SYN2: variants seen among roughly 807,000 people sequenced by gnomAD.
SYN2 encodes the protein synapsin II.
SYN2 carries 19 observed loss-of-function variants against 50.9 expected under a neutral mutation model. The observed-to-expected ratio is 0.37, with a 90% CI of 0.26 to 0.55. The LOEUF (loss-of-function observed/expected upper bound fraction) is 0.55. Among genes scored for constraint, SYN2 ranks in the 20% least tolerant of loss-of-function variants. SYN2 has a pLI of 0.81. For missense variants in SYN2, 587 were observed against 576.4 expected (o/e 1.02, Z -0.19); for synonymous variants, 255 against 224.9 (o/e 1.13, Z -1.20).
chr3:12,079,529 C>T (rs1379944890), intron 1 of SYN2, among the ~76,000 whole-genome samples: 3 of 152,084 alleles, frequency 2.0e-5, no homozygotes, highest in Non-Finnish European at 4.4e-5. Flanking sequence ...TGAATGTTAT[C>T]GAAGGACTTT....
intron 1 of SYN2, among the ~76,000 whole-genome samples, chr3:12,111,455 C>T (rs1254752492): frequency 1.3e-5 from 2 of 152,140 alleles, no homozygotes; most frequent in Non-Finnish European, 2.9e-5. Flanking sequence ...GTCATTTTGA[C>T]CCTCAATAAA....
chr3:12,129,377 C>T (rs1227345778), intron 1 of SYN2, among the ~76,000 whole-genome samples: 1 of 152,122 alleles, frequency 6.6e-6, no homozygotes, highest in Non-Finnish European at 1.5e-5. Context: ...ACTGTCCTTA[C>T]CTTATAGATG....
intron 10 of SYN2, among the ~76,000 whole-genome samples, chr3:12,181,331 G>T (rs182263823): frequency 6.6e-6 from 1 of 152,202 alleles, no homozygotes; most frequent in Non-Finnish European, 1.5e-5. Context: ...GAGCCAGTCC[G>T]GTAGCTTCAC....
At chr3:12,099,227 T>C (rs1696014326) in intron 1 of SYN2, among the ~76,000 whole-genome samples, 2 of 152,070 alleles carry the variant, frequency 1.3e-5, no homozygotes, top group African/African-American at 4.8e-5. Context: ...CTAAGAAATA[T>C]CTATAGAACA....
At chr3:12,044,181 TCACA>T (rs1553610019) in intron 1 of SYN2, among the ~76,000 whole-genome samples, 131 of 53,386 alleles carry the variant, frequency 2.5e-3, no homozygotes, top group Middle Eastern at 0.015. Flanking sequence ...TCTCTCTCTC[TCACA>T]CACACACACA....
At chr3:12,097,717 A>C (rs1559418652) in intron 1 of SYN2, among the ~76,000 whole-genome samples, 1 of 152,212 alleles carries the variant, frequency 6.6e-6, no homozygotes, top group Admixed American at 6.5e-5. Flanking sequence ...ACATGGATGA[A>C]GCTGGAAACC....
Position 12,183,390 on chromosome 3 carries a change from C to G in SYN2, c.1369+18C>G. 1 of 1,613,864 alleles carries G rather than the reference C, an allele frequency of 6.2e-7. No homozygotes were observed. Among genetic ancestry groups the G allele is most frequent in the African/African-American group, 1.3e-5 (1 of 75,046 alleles). ...CCCTCAAGGTTGTTTACAGTATATT[C>G]TCGACTGTAATGGCATTGCAGTAGG... On this transcript the variant is annotated intron_variant, in intron 11 of 12. Coordinates refer to ENST00000621198, the MANE Select transcript of SYN2 (RefSeq NM_133625.6).
At chr3:12,052,882 CTTATCT>C (rs1232266245) in intron 1 of SYN2, among the ~76,000 whole-genome samples, 1 of 152,234 alleles carries the variant, frequency 6.6e-6, no homozygotes, top group Non-Finnish European at 1.5e-5. Flanking sequence ...TCACATCCTA[CTTATCT>C]TCCTTTGACC....
intron 1 of SYN2, among the ~76,000 whole-genome samples, chr3:12,042,891 G>C (rs1694648980): frequency 6.6e-6 from 1 of 152,192 alleles, no homozygotes. Context: ...GAGGCTGGAA[G>C]AGGCAAGGAT....
chr3:12,015,713 A>G (rs1481797503), intron 1 of SYN2, among the ~76,000 whole-genome samples: 1 of 152,038 alleles, frequency 6.6e-6, no homozygotes, highest in Non-Finnish European at 1.5e-5. Context: ...TAAACACCCC[A>G]TGCTTGTTTT....
chr3:12,033,220 A>T (rs1694418006), intron 1 of SYN2, among the ~76,000 whole-genome samples: 2 of 152,024 alleles, frequency 1.3e-5, no homozygotes, highest in Admixed American at 1.3e-4. Flanking sequence ...GACCCACTTG[A>T]GGAGGCAGTC....
intron 1 of SYN2, among the ~76,000 whole-genome samples, chr3:12,059,280 A>G (rs1695063507): frequency 6.6e-6 from 1 of 152,192 alleles, no homozygotes; most frequent in African/African-American, 2.4e-5. Context: ...CAATACATAG[A>G]GGTTACACAT....
Position 12,190,849 on chromosome 3 carries a change from AGCT to A in SYN2, c.*228_*230del. 1 of 1,317,052 alleles carries A rather than the reference AGCT, an allele frequency of 7.6e-7. No individual in the cohort carries two copies. Among genetic ancestry groups the A allele is most frequent in the South Asian group, 2.0e-5 (1 of 50,756 alleles). 81.6% of individuals were successfully genotyped at this position (1,317,052 alleles called of 1,614,324 possible). ...GGGTACCTGGCATCAGAGAGGAAAG[AGCT>A]GCTTCCCTGTAGTCATGAGAGCTTC... On this transcript the variant is annotated 3_prime_UTR_variant, in exon 13 of 13. Coordinates refer to ENST00000621198, the MANE Select transcript of SYN2 (RefSeq NM_133625.6).
At chr3:12,126,389 A>G (rs1461206136) in intron 1 of SYN2, among the ~76,000 whole-genome samples, 1 of 152,204 alleles carries the variant, frequency 6.6e-6, no homozygotes, top group Non-Finnish European at 1.5e-5. Flanking sequence ...TGTGAATTTC[A>G]CTTTCATGCT....
chr3:12,039,073 T>C lies in SYN2; in HGVS notation c.377+34145T>C, dbSNP rs536488901. Among the ~76,000 whole-genome samples, 13 of 152,310 alleles carry C rather than the reference T, an allele frequency of 8.5e-5. No individual in the cohort carries two copies. In the South Asian group the frequency reaches 2.5e-3, roughly 29 times the overall value. On this transcript the variant is annotated intron_variant, in intron 1 of 12. Transcript: ENST00000621198. ...GATGCTCTTTATTAGGTTGAGGAAG[T>C]TTCCTTTGATTTCTAGGTTGTTGAG...
At chr3:12,062,061 C>T (rs952714434) in intron 1 of SYN2, among the ~76,000 whole-genome samples, 1 of 151,662 alleles carries the variant, frequency 6.6e-6, no homozygotes, top group African/African-American at 2.4e-5. Flanking sequence ...CCAGAATAGC[C>T]GACATAATAC....
chr3:12,178,925 T>G (rs1364523716), intron 10 of SYN2, among the ~76,000 whole-genome samples: 1 of 152,212 alleles, frequency 6.6e-6, no homozygotes, highest in African/African-American at 2.4e-5. Context: ...TGGGCCCCAA[T>G]TCAGGGAGTT....
Position 12,190,936 on chromosome 3 carries a change from T to G in SYN2, c.*311T>G. 9.1e-7 allele frequency: 1 copy of G among 1,095,010 alleles called. No individual in the cohort carries two copies. Among genetic ancestry groups the G allele is most frequent in the Non-Finnish European group, 1.1e-6 (1 of 900,832 alleles). The allele number at this position is 1,095,010 out of a possible 1,614,324, so 67.8% of individuals were successfully genotyped here. Reference sequence around the variant, plus strand: ...GCCTTATTGTGACAGTGCCATCATGTCTTATTCTTCCCTGTGAAACCAGGA... The same window carrying G: ...GCCTTATTGTGACAGTGCCATCATGGCTTATTCTTCCCTGTGAAACCAGGA... On this transcript the variant is annotated 3_prime_UTR_variant, in exon 13 of 13. Transcript: ENST00000621198.
Position 12,191,023 on chromosome 3 carries a change from C to T in SYN2, c.*398C>T, listed in dbSNP as rs959896970. On this transcript the variant is annotated 3_prime_UTR_variant, in exon 13 of 13. Transcript: ENST00000621198. ...TTGCAGTGCTAAGCATGCCCCGCCCCCATTCAGTGATACCTGTTTGGGAAG... is the reference window on the plus strand; with the variant it reads ...TTGCAGTGCTAAGCATGCCCCGCCCTCATTCAGTGATACCTGTTTGGGAAG... 9 of 997,896 alleles carry T rather than the reference C, an allele frequency of 9.0e-6. No individual in the cohort carries two copies. In the African/African-American group the frequency reaches 1.6e-4, roughly 17 times the overall value. The allele number at this position is 997,896 out of a possible 1,614,324, so 61.8% of individuals were successfully genotyped here. A position where few individuals can be genotyped will look rare whatever the true frequency, so the allele number is the denominator to read the frequency against.
Sources: allele counts gnomAD v4.1 joint callset (sites outside exome capture counted in the v4.1 genomes callset), GRCh38; gene constraint gnomAD v4.1.1; transcripts MANE v1.5; gene names NCBI Gene and HGNC (gene_info 2026-07-23, HGNC 2026-07-21).